The following MDGA2 variants were observed in gnomAD, a reference collection of about 807,000 sequenced individuals.
MDGA2 encodes MAM domain containing glycosylphosphatidylinositol anchor 2.
MDGA2 carries 40 observed loss-of-function variants against 117.8 expected under a neutral mutation model. The ratio of observed to expected loss-of-function variants is 0.34; its 90% CI spans 0.26 to 0.44. MDGA2 has a LOEUF of 0.44. MDGA2 is among the 20% of genes least tolerant of loss of function. MDGA2 has a pLI of 1.00. For synonymous variants in MDGA2, 452 were observed against 439.0 expected, an observed-to-expected ratio of 1.03 and a Z score of -0.37; for missense variants, 1,123 against 1,250.6, an observed-to-expected ratio of 0.90 and a Z score of 1.54.
chr14:47,270,839 C>T (rs1001106683), intron 2 of MDGA2, among the ~76,000 whole-genome samples: 6 of 152,046 alleles, frequency 3.9e-5, no homozygotes, highest in Admixed American at 1.3e-4. Flanking sequence ...AATAGAAAGA[C>T]GTAGAAATAT....
chr14:47,318,818 G>GAAGGAAGGAAGC (rs1566736511), intron 1 of MDGA2, among the ~76,000 whole-genome samples: 5 of 151,562 alleles, frequency 3.3e-5, no homozygotes, highest in African/African-American at 1.2e-4. Flanking sequence ...AAGAAGGAAG[G>GAAGGAAGGAAGC]AAGGAAGGAA....
chr14:47,335,302 A>G (rs866395992), intron 1 of MDGA2, among the ~76,000 whole-genome samples: 2 of 146,552 alleles, frequency 1.4e-5, no homozygotes, highest in Non-Finnish European at 3.0e-5. Context: ...AAAAAAAAAA[A>G]AGGTTTCCGT....
At chr14:47,557,250 A>G (rs1292022431) in intron 1 of MDGA2, among the ~76,000 whole-genome samples, 1 of 152,226 alleles carries the variant, frequency 6.6e-6, no homozygotes, top group Non-Finnish European at 1.5e-5. Flanking sequence ...GGGAGGCAAG[A>G]TTTACAAATC....
chr14:46,979,863 T>C (rs1886600633), intron 8 of MDGA2, among the ~76,000 whole-genome samples: 1 of 152,174 alleles, frequency 6.6e-6, no homozygotes, highest in Non-Finnish European at 1.5e-5. Flanking sequence ...ATCCGGAAGA[T>C]CTAGGTAAGG....
At chr14:46,885,671 G>A (rs1056322284) in intron 10 of MDGA2, among the ~76,000 whole-genome samples, 7 of 152,256 alleles carry the variant, frequency 4.6e-5, no homozygotes, top group African/African-American at 7.2e-5. Flanking sequence ...AAGCTAACAA[G>A]TTAGCCTGCC....
chr14:46,841,920 C>A lies in MDGA2; in HGVS notation c.*11G>T. The A allele has an allele frequency of 6.3e-7, 1 of 1,581,358 alleles. No individual in the cohort carries two copies. On this transcript the variant is annotated 3_prime_UTR_variant, in exon 17 of 17. Coordinates refer to ENST00000399232, the MANE Select transcript of MDGA2 (RefSeq NM_001113498.3). ...CCTGGTGAATCTTTTATAGCCTCTG[C>A]CAGGATAAGGTCACCTTCGAGGACT... is the stretch of plus-strand genomic sequence containing the variant.
intron 1 of MDGA2, among the ~76,000 whole-genome samples, chr14:47,357,251 T>C (rs1001742974): frequency 2.0e-5 from 3 of 152,200 alleles, no homozygotes; most frequent in Admixed American, 6.5e-5. Flanking sequence ...AAAAGGACTA[T>C]TGGACTAATC....
intron 1 of MDGA2, among the ~76,000 whole-genome samples, chr14:47,456,509 G>A (rs1442949491): frequency 6.6e-6 from 1 of 151,022 alleles, no homozygotes; most frequent in African/African-American, 2.4e-5. Context: ...CTCCATGCTG[G>A]TCAGGCTGGT....
chr14:47,509,741 T>G (rs147073764), intron 1 of MDGA2, among the ~76,000 whole-genome samples: 1 of 152,238 alleles, frequency 6.6e-6, no homozygotes, highest in Non-Finnish European at 1.5e-5. Flanking sequence ...CGTCTTCTTT[T>G]CTCTATCCCC....
chr14:47,090,499 G>A (rs1378772027), intron 6 of MDGA2, among the ~76,000 whole-genome samples: 2 of 152,076 alleles, frequency 1.3e-5, no homozygotes, highest in African/African-American at 2.4e-5. Flanking sequence ...AAAAAGTAAA[G>A]GCCTAAATGG....
intron 7 of MDGA2, among the ~76,000 whole-genome samples, chr14:47,052,856 T>C (rs1889505572): frequency 6.6e-6 from 1 of 151,942 alleles, no homozygotes; most frequent in African/African-American, 2.4e-5. Context: ...GATGACCTCT[T>C]ATCTTGACCT....
chr14:46,920,289 T>C (rs935728033), intron 9 of MDGA2, 129 bp from the exon 10 acceptor site: 2 of 895,008 alleles, frequency 2.2e-6, no homozygotes, highest in Non-Finnish European at 3.2e-6. Flanking sequence ...ATCAATTTTC[T>C]GGATATGTTT....
chr14:47,162,415 GTCT>G (rs1269305923), intron 3 of MDGA2, among the ~76,000 whole-genome samples: 1 of 152,080 alleles, frequency 6.6e-6, no homozygotes, highest in African/African-American at 2.4e-5. Context: ...CTGAGTTGCT[GTCT>G]TCTTCTTTAA....
intron 3 of MDGA2, among the ~76,000 whole-genome samples, chr14:47,144,610 C>CAAAAA (rs375897924): frequency 6.8e-6 from 1 of 147,716 alleles, no homozygotes; most frequent in Non-Finnish European, 1.5e-5. Flanking sequence ...ACCTCAGTGA[C>CAAAAA]AAAAAAAAAA....
chr14:47,278,553 T>G (rs2139727152), intron 2 of MDGA2, among the ~76,000 whole-genome samples: 1 of 152,278 alleles, frequency 6.6e-6, no homozygotes, highest in South Asian at 2.1e-4. Flanking sequence ...TCCAAAATTA[T>G]GGTCCAGTCA....
At chr14:47,466,846 T>C (rs74045095) in intron 1 of MDGA2, among the ~76,000 whole-genome samples, 5,464 of 152,170 alleles carry the variant, frequency 0.036, 335 homozygotes, top group African/African-American at 0.12. Flanking sequence ...CAAAATTATA[T>C]ATGCATTCAT....
intron 2 of MDGA2, among the ~76,000 whole-genome samples, chr14:47,282,522 A>T: frequency 4.4e-5 from 1 of 22,856 alleles, no homozygotes; most frequent in Non-Finnish European, 8.6e-5. Context: ...TATTAAAAAT[A>T]AACACACACA....
chr14:47,056,399 T>A (rs1889677361), intron 7 of MDGA2, among the ~76,000 whole-genome samples: 1 of 152,148 alleles, frequency 6.6e-6, no homozygotes, highest in African/African-American at 2.4e-5. Flanking sequence ...TCTCAATTGG[T>A]CACCACTAGG....
At chr14:47,269,447 C>T (rs1029761434) in intron 2 of MDGA2, among the ~76,000 whole-genome samples, 4 of 152,006 alleles carry the variant, frequency 2.6e-5, no homozygotes, top group Non-Finnish European at 5.9e-5. Flanking sequence ...GACTTTGTGT[C>T]TTCATTGAAA....
Sources: allele counts gnomAD v4.1 joint callset (sites outside exome capture counted in the v4.1 genomes callset), GRCh38; gene constraint gnomAD v4.1.1; transcripts MANE v1.5; gene names NCBI Gene and HGNC (gene_info 2026-07-23, HGNC 2026-07-21).